The following GTF3C1 variants were observed in gnomAD, a reference collection of about 807,000 sequenced individuals.
The protein encoded by GTF3C1 is general transcription factor 3C polypeptide 1.
Under a neutral mutation model 226.7 loss-of-function variants are expected in GTF3C1, and 57 were observed. The observed-to-expected ratio is 0.25, with a 90% CI of 0.20 to 0.31. The LOEUF (loss-of-function observed/expected upper bound fraction) is 0.31. GTF3C1 is among the 10% of genes least tolerant of loss of function. The pLI, the probability that GTF3C1 is intolerant of heterozygous loss-of-function variation, is 1.00. For synonymous variants in GTF3C1, 1,090 were observed against 1,084.8 expected, an observed-to-expected ratio of 1.00 and a Z score of -0.09; for missense variants, 2,217 against 2,776.1, an observed-to-expected ratio of 0.80 and a Z score of 4.53.
At chr16:27,465,846 A>G in intron 32 of GTF3C1, 1 of 391,868 alleles carries the variant, frequency 2.6e-6, no homozygotes, top group Non-Finnish European at 4.8e-6. Flanking sequence ...AGGTTCGAGA[A>G]CTGTAAAGTC....
chr16:27,486,100 TG>T lies in GTF3C1; in HGVS notation c.3754del (p.Gln1252ArgfsTer7). 1 of 1,607,172 alleles carries T rather than the reference TG, an allele frequency of 6.2e-7. No homozygotes were observed. The highest frequency in any genetic ancestry group is 8.5e-7 in the Non-Finnish European group (1 of 1,173,806). The part of the protein sequence containing the change: ...KRLRYHDEAD[Q>X]SALQRMTRLR... ...CCGCGTCATCCGCTGCAGGGCACTC[TG>T]GTCGGCTTCATCATGGTAGCGCAGC... On this transcript the variant is annotated frameshift_variant, in exon 24 of 37. Transcript: ENST00000356183. LOFTEE classifies it high-confidence loss of function.
chr16:27,475,717 G>A (rs778301497), intron 29 of GTF3C1, among the ~76,000 whole-genome samples: 2 of 152,280 alleles, frequency 1.3e-5, no homozygotes, highest in South Asian at 2.1e-4. Context: ...AGCCGCAGTA[G>A]AGCGGCCGCG....
At position 27,462,079 on chromosome 16, in the gene GTF3C1, G is replaced by A. The variant is rs74387133; in HGVS notation, c.6117+215C>T. On this transcript the variant is annotated intron_variant, in intron 36 of 36. Transcript: ENST00000356183. This position sits in a 1 kb window ranked among gnomAD's most constrained non-coding sequence, Gnocchi z 4.5. ...AGAAAGCATCAGAGACAAGCACCCC[G>A]GGCACCCCATCTTCCAGCCTGGTCA... is the stretch of plus-strand genomic sequence containing the variant. 4.6e-3 allele frequency: 2,629 copies of A among 571,568 alleles called. 61 individuals carry two copies. Among genetic ancestry groups the A allele is most frequent in the African/African-American group, 0.042 (2,227 of 53,582 alleles). The allele number at this position is 571,568 out of a possible 1,614,324, so 35.4% of individuals were successfully genotyped here. A position where few individuals can be genotyped will look rare whatever the true frequency, so the allele number is the denominator to read the frequency against.
At chr16:27,503,725 C>A (rs567511249) in intron 10 of GTF3C1, among the ~76,000 whole-genome samples, 2 of 152,340 alleles carry the variant, frequency 1.3e-5, no homozygotes, top group East Asian at 1.9e-4. Flanking sequence ...AATGTGAAAG[C>A]CCAAATGTGA....
Position 27,482,977 on chromosome 16 carries a change from A to T in GTF3C1, c.4083+67T>A, listed in dbSNP as rs2088079008. On this transcript the variant is annotated intron_variant, in intron 26 of 36. Coordinates refer to ENST00000356183, the MANE Select transcript of GTF3C1 (RefSeq NM_001520.4). ...GGCAGGGGCACTGTGGGATGAGAGG[A>T]GCTGACTGAAGTCTAGCTGCCCCAA... is the stretch of plus-strand genomic sequence containing the variant. The T allele has an allele frequency of 3.0e-6, 4 of 1,314,710 alleles. No homozygotes were observed. In the East Asian group the frequency reaches 9.2e-5, roughly 30 times the overall value. The allele number at this position is 1,314,710 out of a possible 1,614,324, so 81.4% of individuals were successfully genotyped here. A position where few individuals can be genotyped will look rare whatever the true frequency, so the allele number is the denominator to read the frequency against.
rs555879548 is a variant in GTF3C1, at chr16:27,473,959, A to T, written c.4354-2039T>A. Among the ~76,000 whole-genome samples, 8 of 152,302 alleles carry T rather than the reference A, an allele frequency of 5.3e-5. No individual in the cohort carries two copies. The South Asian group carries it at 1.4e-3, about 28-fold the overall frequency. ...CTCTTCCATTTGAATATAACTAGCG[A>T]ATGGGTGTATTCCCACATAACAGGA... On this transcript the variant is annotated intron_variant, in intron 29 of 36. Coordinates refer to ENST00000356183, the MANE Select transcript of GTF3C1 (RefSeq NM_001520.4).
chr16:27,524,457 G>C (rs1446043321), intron 6 of GTF3C1, among the ~76,000 whole-genome samples: 2 of 152,178 alleles, frequency 1.3e-5, no homozygotes, highest in Admixed American at 6.5e-5. Flanking sequence ...TGGAAAGTGG[G>C]TACTATTACC....
At chr16:27,533,483 T>TAA in intron 4 of GTF3C1, 96 bp from the exon 5 acceptor site, 1 of 699,138 alleles carries the variant, frequency 1.4e-6, no homozygotes, top group Middle Eastern at 2.4e-4. Flanking sequence ...AGACTTGACT[T>TAA]AATCATTTTA....
At position 27,470,055 on chromosome 16, in the gene GTF3C1, G is replaced by T; in HGVS notation, c.4814+53C>A. On this transcript the variant is annotated intron_variant, in intron 31 of 36. Transcript: ENST00000356183. This position sits in a 1 kb window ranked among gnomAD's most constrained non-coding sequence, Gnocchi z 4.9. ...TGCTGACCCCTGCCCGTCTGTATCT[G>T]GCCAATGCCTAGCACGTGGCCAGAC... The T allele has an allele frequency of 2.0e-6, 3 of 1,468,978 alleles. No homozygotes were observed. Among genetic ancestry groups the T allele is most frequent in the Non-Finnish European group, 2.8e-6 (3 of 1,065,354 alleles). The allele number at this position is 1,468,978 out of a possible 1,614,324, so 91.0% of individuals were successfully genotyped here.
In GTF3C1 at chr16:27,469,049, G is replaced by A. The variant is rs918916578; in HGVS notation, c.5074+242C>T. ...ACCTGAGTGACTGCTGGTGCCTGCA[G>A]CACAGCTGTGACTAAAAGAGGCGGT... On this transcript the variant is annotated intron_variant, in intron 32 of 36. Coordinates refer to ENST00000356183, the MANE Select transcript of GTF3C1 (RefSeq NM_001520.4). This position sits in a 1 kb window ranked among gnomAD's most constrained non-coding sequence, Gnocchi z 4.5. Among the ~76,000 whole-genome samples, 3 of 152,240 alleles carry A rather than the reference G, an allele frequency of 2.0e-5. No homozygotes were observed. The highest frequency in any genetic ancestry group is 2.9e-5 in the Non-Finnish European group (2 of 68,032).
intron 6 of GTF3C1, among the ~76,000 whole-genome samples, chr16:27,522,205 T>C (rs1186731485): frequency 6.6e-6 from 1 of 152,236 alleles, no homozygotes; most frequent in African/African-American, 2.4e-5. Flanking sequence ...TCTGCATCCA[T>C]CACCAATCAA....
chr16:27,530,381 A>G (rs1415524176), intron 5 of GTF3C1, among the ~76,000 whole-genome samples: 1 of 152,128 alleles, frequency 6.6e-6, no homozygotes, highest in Admixed American at 6.5e-5. Context: ...ATATGGCACT[A>G]AGCCCTGGAC....
chr16:27,464,432 A>G lies in GTF3C1; in HGVS notation c.5760T>C (p.Ala1920=). ...GGTCTTCCTGTGCTGCTCCCGCTGC[A>G]GCGGTGTCTTCAAGAGCTGGGGGTG... ...PSPPPALEDT[A]AAGAAQEDQE... is the part of the protein sequence containing the mutation. Residue 1920 remains alanine (A), a synonymous_variant, in exon 34 of 37, where the codon GCT becomes GCC. Transcript: ENST00000356183. The G allele has an allele frequency of 1.2e-6, 2 of 1,603,690 alleles. No homozygotes were observed. Among genetic ancestry groups the G allele is most frequent in the Non-Finnish European group, 1.7e-6 (2 of 1,174,906 alleles).
At chr16:27,505,684 A>G (rs1343692267) in intron 10 of GTF3C1, among the ~76,000 whole-genome samples, 1 of 152,236 alleles carries the variant, frequency 6.6e-6, no homozygotes, top group Non-Finnish European at 1.5e-5. Flanking sequence ...CACTGGGTGG[A>G]TAACCATGCA....
intron 24 of GTF3C1, among the ~76,000 whole-genome samples, chr16:27,484,801 G>A (rs1204590105): frequency 6.6e-6 from 1 of 152,234 alleles, no homozygotes; most frequent in African/African-American, 2.4e-5. Context: ...GCAGACCCAG[G>A]AGAACATCTT....
rs2087703590 is a variant in GTF3C1 at position 27,461,464 on chromosome 16, G to A, written c.6216C>T (p.Pro2072=). 1 of 1,613,802 alleles carries A rather than the reference G, an allele frequency of 6.2e-7. No individual in the cohort carries two copies. Among genetic ancestry groups the A allele is most frequent in the Non-Finnish European group, 8.5e-7 (1 of 1,179,780 alleles). ...STPVVEEVEV[P]SSLDESPMAF... ...CCATGGGGCTCTCGTCCAGGCTGGAGGGCACTTCCACCTCTTCCACCACGG... is the reference window on the plus strand; with the variant it reads ...CCATGGGGCTCTCGTCCAGGCTGGAAGGCACTTCCACCTCTTCCACCACGG... Residue 2072 remains proline, a synonymous_variant, in exon 37 of 37, where the codon CCC becomes CCT. Transcript: ENST00000356183. The surrounding 1 kb of genome is among the most constrained non-coding windows in gnomAD (Gnocchi z 5.3).
chr16:27,464,495 G>A lies in GTF3C1; in HGVS notation c.5697C>T (p.Pro1899=), dbSNP rs752060316. The change falls in exon 34 of 37, where the codon CCC becomes CCT. Residue 1899 remains proline, a synonymous_variant. Transcript: ENST00000356183. ...QDSNLAPSLG[P]GAEDGAEAQA... ...GGGCTTCTGCCCCATCTTCAGCTCC[G>A]GGCCCAAGGCTGGGGGCCAAATTTG... 61 of 1,535,548 alleles carry A rather than the reference G, an allele frequency of 4.0e-5. No individual in the cohort carries two copies. Among genetic ancestry groups the A allele is most frequent in the Admixed American group, 1.3e-4 (6 of 46,206 alleles).
chr16:27,493,046 T>C (rs2088256808), intron 17 of GTF3C1, among the ~76,000 whole-genome samples, 153 bp downstream of exon 17: 1 of 152,262 alleles, frequency 6.6e-6, no homozygotes, highest in African/African-American at 2.4e-5. Flanking sequence ...CAGCCCATAC[T>C]TCATTAATAT....
At chr16:27,520,591 T>G (rs969498701) in intron 6 of GTF3C1, among the ~76,000 whole-genome samples, 2 of 152,230 alleles carry the variant, frequency 1.3e-5, no homozygotes, top group Non-Finnish European at 2.9e-5. Flanking sequence ...ACAAGGGTAC[T>G]GACAATAGTA....
Sources: allele counts gnomAD v4.1 joint callset (sites outside exome capture counted in the v4.1 genomes callset), GRCh38; gene constraint gnomAD v4.1.1; non-coding constraint Gnocchi (gnomAD v3.1); transcripts MANE v1.5; gene names NCBI Gene and HGNC (gene_info 2026-07-23, HGNC 2026-07-21).